CFAP97: variants seen among roughly 807,000 people sequenced by gnomAD.
The protein encoded by CFAP97 is cilia and flagella associated protein 97.
Under a neutral mutation model 43.1 loss-of-function variants are expected in CFAP97, and 36 were observed. That is an observed-to-expected ratio of 0.84 (90% CI 0.64 to 1.10). The LOEUF is 1.10. CFAP97 is among the 50% of genes least tolerant of loss of function. The pLI, the probability that CFAP97 is intolerant of heterozygous loss-of-function variation, is 0.00. For missense variants in CFAP97, 657 were observed against 620.3 expected (o/e 1.06, Z -0.63); for synonymous variants, 228 against 225.7 (o/e 1.01, Z -0.09).
chr4:185,172,598 A>T (rs527872367), intron 3 of CFAP97, among the ~76,000 whole-genome samples: 4 of 152,224 alleles, frequency 2.6e-5, no homozygotes, highest in Non-Finnish European at 5.9e-5. Context: ...ATCATCAAAA[A>T]TATAAAGGAA....
At chr4:185,169,956 CA>C in intron 3 of CFAP97, 1 of 1,021,042 alleles carries the variant, frequency 9.8e-7, no homozygotes, top group Non-Finnish European at 1.2e-6. Flanking sequence ...TGTTAATCAA[CA>C]GATTAATATT....
intron 2 of CFAP97, among the ~76,000 whole-genome samples, chr4:185,181,738 T>C (rs576961347): frequency 3.3e-5 from 5 of 152,322 alleles, no homozygotes; most frequent in African/African-American, 1.2e-4. Context: ...TGCCTCTCTG[T>C]TGGTTTTTGC....
At chr4:185,202,734 C>T (rs182883750) in intron 1 of CFAP97, among the ~76,000 whole-genome samples, 107 of 152,230 alleles carry the variant, frequency 7.0e-4, no homozygotes, top group Admixed American at 1.4e-3. Context: ...ACAGTTCATG[C>T]GCCCTGGTGC....
chr4:185,188,733 T>C (rs1472114076), intron 2 of CFAP97, among the ~76,000 whole-genome samples: 1 of 152,172 alleles, frequency 6.6e-6, no homozygotes. Flanking sequence ...AAGATCACTT[T>C]AGTTCTTATG....
At chr4:185,186,298 TGGAG>T (rs1306229106) in intron 2 of CFAP97, among the ~76,000 whole-genome samples, 1 of 151,934 alleles carries the variant, frequency 6.6e-6, no homozygotes, top group Non-Finnish European at 1.5e-5. Flanking sequence ...CCAGGCGTGG[TGGAG>T]GGCGCCTGTA....
At chr4:185,193,183 C>T (rs1736378922) in intron 1 of CFAP97, among the ~76,000 whole-genome samples, 1 of 151,994 alleles carries the variant, frequency 6.6e-6, no homozygotes, top group African/African-American at 2.4e-5. Context: ...CCTGGGGTGG[C>T]AGGAATGAAA....
intron 3 of CFAP97, among the ~76,000 whole-genome samples, chr4:185,164,599 C>G (rs1734998339): frequency 6.6e-6 from 1 of 152,132 alleles, no homozygotes; most frequent in South Asian, 2.1e-4. Context: ...AGTAAAGCCC[C>G]TTCCTCATCT....
upstream of CFAP97, chr4:185,204,378 A>G (rs1737094554): frequency 6.6e-6 from 1 of 152,232 alleles, no homozygotes; most frequent in African/African-American, 2.4e-5. Flanking sequence ...GATATTTTCT[A>G]TCAGCAAATT....
upstream of CFAP97, among the ~76,000 whole-genome samples, chr4:185,206,293 C>G (rs1335243447): frequency 6.6e-6 from 1 of 152,156 alleles, no homozygotes; most frequent in Non-Finnish European, 1.5e-5. Flanking sequence ...GTAGTAGATA[C>G]ATAAAATGGA....
intron 3 of CFAP97, among the ~76,000 whole-genome samples, chr4:185,165,644 T>G (rs1735038358): frequency 6.6e-6 from 1 of 152,232 alleles, no homozygotes. Context: ...ATCAGACTCA[T>G]GAATTCAGTC....
Position 185,190,564 on chromosome 4 carries a change from TA to T in CFAP97, c.632del (p.Val211AspfsTer4). On this transcript the variant is annotated frameshift_variant, in exon 2 of 5. Coordinates refer to ENST00000458385, the MANE Select transcript of CFAP97 (RefSeq NM_020827.3). LOFTEE classifies it high-confidence loss of function. ...TTGGTGACAGGAGGGTTATACCAGA[TA>T]CATGTTTCTTAGATGACTTAGATGA... Reference protein sequence around the residue: ...SPSSKSSKKHVSGITLLSPKH... With the variant: ...SPSSKSSKKHXSGITLLSPKH... 6.2e-7 allele frequency: 1 copy of T among 1,613,904 alleles called. No individual in the cohort carries two copies. Among genetic ancestry groups the T allele is most frequent in the Middle Eastern group, 1.6e-4 (1 of 6,062 alleles).
chr4:185,190,324 T>C lies in CFAP97; in HGVS notation c.873A>G (p.Ile291Met), dbSNP rs1387817116. 3 of 1,604,726 alleles carry C rather than the reference T, an allele frequency of 1.9e-6. No individual in the cohort carries two copies. The highest frequency in any genetic ancestry group is 1.3e-5 in the African/African-American group (1 of 74,818). ...IKKQENVSQE[I>M]YEDVEDLKNN... The stretch of plus-strand genomic sequence containing the variant: ...TTTTCAAATCCTCAACATCTTCATA[T>C]ATTTCTTGGCTCACATTTTCTTGCT... The change falls in exon 2 of 5, where the codon ATA (isoleucine) becomes ATG (methionine). Residue 291 changes from isoleucine to methionine, a missense_variant. Physicochemically the swap from Ile to Met is conservative, Grantham distance 10. Transcript: ENST00000458385.
At chr4:185,176,391 G>A (rs1735544476) in intron 2 of CFAP97, among the ~76,000 whole-genome samples, 1 of 151,978 alleles carries the variant, frequency 6.6e-6, no homozygotes, top group Non-Finnish European at 1.5e-5. Flanking sequence ...GGGATTGCAG[G>A]TGTGAGCCAC....
intron 3 of CFAP97, among the ~76,000 whole-genome samples, chr4:185,173,054 AT>A (rs1735367293): frequency 6.6e-6 from 1 of 151,698 alleles, no homozygotes; most frequent in Non-Finnish European, 1.5e-5. Context: ...GACTAATAGG[AT>A]TTTTTAAATA....
chr4:185,191,080 G>C lies in CFAP97; in HGVS notation c.117C>G (p.Asp39Glu). Residue 39 changes from aspartate to glutamate, a missense_variant, in exon 2 of 5, where the codon GAC (aspartate) becomes GAG (glutamate). Coordinates refer to ENST00000458385, the MANE Select transcript of CFAP97 (RefSeq NM_020827.3). ...TATCTTTATCTATTCTTTCCTTTGG[G>C]TCATCATTTTGCTTGTCAAAAACTG... is the stretch of plus-strand genomic sequence containing the variant. The part of the protein sequence containing the change: ...TNSVFDKQND[D>E]PKERIDKDTK... 1 of 1,612,716 alleles carries C rather than the reference G, an allele frequency of 6.2e-7. No individual in the cohort carries two copies. Among genetic ancestry groups the C allele is most frequent in the Non-Finnish European group, 8.5e-7 (1 of 1,179,636 alleles).
chr4:185,169,875 C>T lies in CFAP97; in HGVS notation c.1321-5696G>A, dbSNP rs572882845. The T allele has an allele frequency of 3.0e-6, 3 of 986,142 alleles. No individual in the cohort carries two copies. In the South Asian group the frequency reaches 1.4e-4, roughly 46 times the overall value. The allele number at this position is 986,142 out of a possible 1,614,324, so 61.1% of individuals were successfully genotyped here. On this transcript the variant is annotated intron_variant, in intron 3 of 4. Transcript: ENST00000458385. ...TCTTCAACGGAAGGAGATAACAGAC[C>T]TTAACCAGACAAGAAGGAAACCCCA...
At chr4:185,169,471 C>T (rs1171881536) in intron 3 of CFAP97, 1 of 471,322 alleles carries the variant, frequency 2.1e-6, no homozygotes, top group Non-Finnish European at 2.8e-6. Flanking sequence ...GAGGCTTCTC[C>T]AGCCTTGCAG....
chr4:185,177,863 AAATAAATAAAG>A (rs1735617782), intron 2 of CFAP97, among the ~76,000 whole-genome samples: 1 of 152,108 alleles, frequency 6.6e-6, no homozygotes, highest in African/African-American at 2.4e-5. Context: ...AATAAATAAA[AAATAAATAAAG>A]TAAGTATGGT....
chr4:185,176,658 A>C (rs1007530490), intron 2 of CFAP97, among the ~76,000 whole-genome samples: 1 of 152,178 alleles, frequency 6.6e-6, no homozygotes, highest in Non-Finnish European at 1.5e-5. Flanking sequence ...TGTTATATCA[A>C]TTTTATCCTT....
Sources: allele counts gnomAD v4.1 joint callset (sites outside exome capture counted in the v4.1 genomes callset), GRCh38; gene constraint gnomAD v4.1.1; transcripts MANE v1.5; gene names NCBI Gene and HGNC (gene_info 2026-07-23, HGNC 2026-07-21).